The following RFX3 variants were observed in gnomAD, a reference collection of about 807,000 sequenced individuals.
RFX3 encodes regulatory factor X3.
RFX3 carries 14 observed loss-of-function variants against 98.6 expected under a neutral mutation model. The observed-to-expected ratio is 0.14, with a 90% CI of 0.09 to 0.22. RFX3 has a LOEUF of 0.22. Ranked by LOEUF, RFX3 falls within the 10% of genes least tolerant of loss-of-function variation. RFX3 has a pLI of 1.00. For synonymous variants in RFX3, 383 were observed against 328.4 expected (o/e 1.17, Z -1.80); for missense variants, 639 against 926.9 (o/e 0.69, Z 4.03).
intron 12 of RFX3, among the ~76,000 whole-genome samples, chr9:3,265,263 C>T (rs1480513176): frequency 6.6e-6 from 1 of 152,146 alleles, no homozygotes. Flanking sequence ...GTGGCTGGCC[C>T]TACTGTGAAA....
chr9:3,502,034 G>A (rs1218700062), intron 1 of RFX3, among the ~76,000 whole-genome samples: 4 of 151,344 alleles, frequency 2.6e-5, no homozygotes, highest in Non-Finnish European at 4.4e-5. Flanking sequence ...GGCGGATCAC[G>A]AGGTCAGGAG....
At chr9:3,265,822 A>G (rs547585797) in intron 12 of RFX3, among the ~76,000 whole-genome samples, 1 of 152,192 alleles carries the variant, frequency 6.6e-6, no homozygotes, top group Non-Finnish European at 1.5e-5. Context: ...AGGAAATTTT[A>G]GAAATAGAAA....
At chr9:3,321,748 T>C (rs1831345977) in intron 4 of RFX3, among the ~76,000 whole-genome samples, 1 of 152,188 alleles carries the variant, frequency 6.6e-6, no homozygotes, top group African/African-American at 2.4e-5. Context: ...GATTTTATAT[T>C]ATGCTTCCCA....
intron 4 of RFX3, among the ~76,000 whole-genome samples, chr9:3,324,695 G>A (rs752947735): frequency 2.0e-5 from 3 of 152,096 alleles, no homozygotes; most frequent in Non-Finnish European, 4.4e-5. Flanking sequence ...GGGAGTGGTG[G>A]CTCATGCCTG....
chr9:3,363,766 T>C (rs1836740192), intron 2 of RFX3, among the ~76,000 whole-genome samples: 1 of 152,236 alleles, frequency 6.6e-6, no homozygotes, highest in Non-Finnish European at 1.5e-5. Context: ...CTTCTGACTC[T>C]AATCCTAGAA....
chr9:3,488,957 T>C (rs1587842754), intron 1 of RFX3: 1 of 865,292 alleles, frequency 1.2e-6, no homozygotes, highest in African/African-American at 1.8e-5. Flanking sequence ...TGAAGACTGA[T>C]GGATTCTATT....
intron 4 of RFX3, among the ~76,000 whole-genome samples, chr9:3,312,521 A>C (rs892668080): frequency 1.3e-5 from 2 of 152,138 alleles, no homozygotes; most frequent in African/African-American, 4.8e-5. Flanking sequence ...AGCAATGTCA[A>C]GAAGTAGCTT....
In RFX3 at chr9:3,219,160, C is replaced by T. The variant is rs1364908176; in HGVS notation, c.*5882G>A. 6.6e-6 allele frequency: 1 copy of T among 152,028 alleles called. No homozygotes were observed. The highest frequency in any genetic ancestry group is 2.4e-5 in the African/African-American group (1 of 41,424). The allele number at this position is 152,028 out of a possible 1,614,324, so 9.4% of individuals were successfully genotyped here. On this transcript the variant is annotated 3_prime_UTR_variant, in exon 17 of 17. Transcript: ENST00000617270. ...GTAGAGAAAAAAATTTGCTTTGGTA[C>T]AAAAGATGCTTTTTAAACGAATAAA... is the stretch of plus-strand genomic sequence containing the variant.
chr9:3,340,718 C>A (rs1396962079), intron 3 of RFX3, among the ~76,000 whole-genome samples: 2 of 152,182 alleles, frequency 1.3e-5, no homozygotes, highest in Non-Finnish European at 2.9e-5. Context: ...CATCTCACAC[C>A]AGTTAGAATG....
At chr9:3,500,487 A>G (rs1815880967) in intron 1 of RFX3, among the ~76,000 whole-genome samples, 1 of 152,212 alleles carries the variant, frequency 6.6e-6, no homozygotes, top group Non-Finnish European at 1.5e-5. Context: ...CAACTCAGAA[A>G]AAAAAGTTCT....
intron 1 of RFX3, among the ~76,000 whole-genome samples, chr9:3,470,144 G>A (rs988024832): frequency 6.6e-6 from 1 of 152,162 alleles, no homozygotes; most frequent in African/African-American, 2.4e-5. Flanking sequence ...CATAGCCTAT[G>A]TGGTAAGTTA....
intron 4 of RFX3, among the ~76,000 whole-genome samples, chr9:3,319,701 T>G (rs574245373): frequency 6.6e-6 from 1 of 152,298 alleles, no homozygotes; most frequent in South Asian, 2.1e-4. Context: ...TGGAGGCTAT[T>G]TGTGAATTTG....
At chr9:3,384,968 G>T (rs965533352) in intron 2 of RFX3, among the ~76,000 whole-genome samples, 1 of 152,130 alleles carries the variant, frequency 6.6e-6, no homozygotes, top group Non-Finnish European at 1.5e-5. Context: ...TCCCTCTGGG[G>T]AAACTTCCTT....
At chr9:3,247,987 A>G in intron 15 of RFX3, 45 bp downstream of exon 15, 1 of 1,614,030 alleles carries the variant, frequency 6.2e-7, no homozygotes, top group South Asian at 1.1e-5. Flanking sequence ...ATTCTGGCTT[A>G]TTTTTAATAA....
intron 3 of RFX3, among the ~76,000 whole-genome samples, chr9:3,336,015 C>G (rs1209068639): frequency 6.6e-6 from 1 of 152,110 alleles, no homozygotes; most frequent in Non-Finnish European, 1.5e-5. Context: ...TACTCAGTAT[C>G]TCTAAATTCT....
intron 1 of RFX3, among the ~76,000 whole-genome samples, chr9:3,457,553 G>C (rs1338719335): frequency 6.6e-6 from 1 of 152,058 alleles, no homozygotes; most frequent in Non-Finnish European, 1.5e-5. Context: ...GTCCCAACCA[G>C]TAGTTTGTTC....
chr9:3,494,540 G>C (rs1850968108), intron 1 of RFX3, among the ~76,000 whole-genome samples: 1 of 152,172 alleles, frequency 6.6e-6, no homozygotes, highest in South Asian at 2.1e-4. Context: ...ATGAGCAACA[G>C]TGGCTCTCTC....
intron 2 of RFX3, among the ~76,000 whole-genome samples, chr9:3,353,659 G>A (rs2131281964): frequency 6.6e-6 from 1 of 152,042 alleles, no homozygotes; most frequent in East Asian, 1.9e-4. Context: ...TAAAAAACAA[G>A]CCTTGACAAT....
intron 9 of RFX3, among the ~76,000 whole-genome samples, chr9:3,273,468 CA>C (rs779917645): frequency 6.6e-6 from 1 of 152,084 alleles, no homozygotes; most frequent in Non-Finnish European, 1.5e-5. Context: ...CAACCTTATT[CA>C]GGGGAGTTTG....
Sources: gnomAD v4.1 joint callset for allele counts (sites outside exome capture counted in the v4.1 genomes callset) on GRCh38, gnomAD v4.1.1 for gene constraint, MANE v1.5 for transcripts, NCBI Gene and HGNC (gene_info 2026-07-23, HGNC 2026-07-21) for gene names.